The following MAP3K20 variants were observed in gnomAD, a reference collection of about 807,000 sequenced individuals.
MAP3K20 encodes the protein mitogen-activated protein kinase kinase kinase 20, also known as HCCS-4.
In MAP3K20, 40 loss-of-function variants were observed where a neutral mutation model predicts 85.7. The observed-to-expected ratio is 0.47, with a 90% CI of 0.36 to 0.61. The LOEUF is 0.61. Ranked by LOEUF, MAP3K20 falls within the 20% of genes least tolerant of loss-of-function variation. The probability of loss-of-function intolerance (pLI) is 0.00; values close to 1 mark genes in which losing one functional copy is unlikely to be tolerated. For missense variants in MAP3K20, 817 were observed against 961.7 expected, an observed-to-expected ratio of 0.85 and a Z score of 1.99; for synonymous variants, 325 against 327.7, an observed-to-expected ratio of 0.99 and a Z score of 0.09.
At chr2:173,081,307 A>G (rs1194529670) in intron 1 of MAP3K20, among the ~76,000 whole-genome samples, 1 of 151,044 alleles carries the variant, frequency 6.6e-6, no homozygotes, top group Non-Finnish European at 1.5e-5. Flanking sequence ...GGCTGAGGGT[A>G]TGTGCTACCT....
At chr2:173,150,808 C>T (rs541923095) in intron 2 of MAP3K20, among the ~76,000 whole-genome samples, 135 of 152,240 alleles carry the variant, frequency 8.9e-4, no homozygotes, top group African/African-American at 3.1e-3. Flanking sequence ...GTGATCCGCC[C>T]GCCTTGACCT....
chr2:173,130,058 G>A (rs74801339), intron 2 of MAP3K20, among the ~76,000 whole-genome samples: 7 of 152,254 alleles, frequency 4.6e-5, no homozygotes, highest in African/African-American at 9.6e-5. Context: ...TGCATTATGC[G>A]TCAAAATGTG....
intron 1 of MAP3K20, among the ~76,000 whole-genome samples, chr2:173,089,646 T>C (rs1007321707): frequency 1.3e-5 from 2 of 151,924 alleles, no homozygotes; most frequent in Non-Finnish European, 2.9e-5. Context: ...GCAGTGGCAC[T>C]ATCTCAGCTC....
intron 11 of MAP3K20, chr2:173,224,228 T>C (rs1372874132): frequency 1.0e-6 from 1 of 983,738 alleles, no homozygotes; most frequent in African/African-American, 1.7e-5. Context: ...AAGGTAACAT[T>C]TGAGCAAGTC....
intron 5 of MAP3K20, among the ~76,000 whole-genome samples, chr2:173,190,412 C>T (rs1335013776): frequency 3.3e-5 from 5 of 152,212 alleles, no homozygotes; most frequent in Non-Finnish European, 5.9e-5. Flanking sequence ...CAGCATTATA[C>T]ATGGCGTTAC....
chr2:173,166,357 T>C (rs1482712624), intron 2 of MAP3K20: 1 of 152,208 alleles, frequency 6.6e-6, no homozygotes. Context: ...TGGTTGTTTT[T>C]ACCTTTTGTT....
At chr2:173,113,630 T>C (rs1027384913) in intron 2 of MAP3K20, among the ~76,000 whole-genome samples, 1 of 152,178 alleles carries the variant, frequency 6.6e-6, no homozygotes, top group African/African-American at 2.4e-5. Context: ...TAAATTGCCA[T>C]CTTGATTTCA....
chr2:173,200,119 T>G (rs1690997374), intron 8 of MAP3K20, among the ~76,000 whole-genome samples: 1 of 152,238 alleles, frequency 6.6e-6, no homozygotes, highest in Admixed American at 6.5e-5. Flanking sequence ...CTCAACTTTC[T>G]AATGAACTTC....
intron 3 of MAP3K20, among the ~76,000 whole-genome samples, chr2:173,171,458 G>A (rs576799485): frequency 6.6e-6 from 1 of 152,268 alleles, no homozygotes; most frequent in South Asian, 2.1e-4. Context: ...AGCTATTCAT[G>A]AAGTTTTCTA....
intron 2 of MAP3K20, among the ~76,000 whole-genome samples, chr2:173,108,492 C>T (rs1404206063): frequency 6.6e-6 from 1 of 152,176 alleles, no homozygotes; most frequent in African/African-American, 2.4e-5. Flanking sequence ...TCCTTGTCCT[C>T]TGGAAATTGA....
In MAP3K20 at chr2:173,241,593, C is replaced by T. The variant is rs182939532; in HGVS notation, c.1359+2097C>T. ...CTGTGCCACTGCACTCTAGCCTGGGCAACAGAGTAAGACATCATCTCAAAA... is the reference window on the plus strand; with the variant it reads ...CTGTGCCACTGCACTCTAGCCTGGGTAACAGAGTAAGACATCATCTCAAAA... On this transcript the variant is annotated intron_variant, in intron 16 of 19. Coordinates refer to ENST00000375213, the MANE Select transcript of MAP3K20 (RefSeq NM_016653.3). Among the ~76,000 whole-genome samples, 187 of 152,192 alleles carry T rather than the reference C, an allele frequency of 1.2e-3. 2 individuals carry two copies. The highest frequency in any genetic ancestry group is 3.1e-3 in the South Asian group (15 of 4,818).
intron 2 of MAP3K20, among the ~76,000 whole-genome samples, chr2:173,098,953 C>G (rs1687545550): frequency 6.6e-6 from 1 of 152,168 alleles, no homozygotes; most frequent in Non-Finnish European, 1.5e-5. Context: ...GTGTTTTAAC[C>G]AGCTTTCTAG....
chr2:173,114,640 T>C (rs868632776), intron 2 of MAP3K20, among the ~76,000 whole-genome samples: 14 of 152,206 alleles, frequency 9.2e-5, no homozygotes, highest in Middle Eastern at 3.2e-3. Context: ...CTGAAAAAGA[T>C]GTATCTTTCC....
intron 2 of MAP3K20, among the ~76,000 whole-genome samples, chr2:173,158,056 C>G (rs931841898): frequency 3.3e-5 from 5 of 152,180 alleles, no homozygotes; most frequent in Non-Finnish European, 7.3e-5. Flanking sequence ...TACTAAAAAC[C>G]TGGCTTTGCC....
At chr2:173,219,940 C>T (rs781526599) in intron 11 of MAP3K20, among the ~76,000 whole-genome samples, 6 of 151,830 alleles carry the variant, frequency 4.0e-5, no homozygotes, top group Non-Finnish European at 5.9e-5. Context: ...TGGTGGCGGG[C>T]GCCTGTAATC....
intron 10 of MAP3K20, chr2:173,212,442 C>T (rs937619105): frequency 6.6e-6 from 1 of 151,786 alleles, no homozygotes; most frequent in Non-Finnish European, 1.5e-5. Context: ...GGAGAAAATG[C>T]TATTTGATCT....
At chr2:173,086,508 A>G (rs1269115151) in intron 1 of MAP3K20, among the ~76,000 whole-genome samples, 2 of 152,228 alleles carry the variant, frequency 1.3e-5, no homozygotes, top group African/African-American at 4.8e-5. Context: ...TTTATTCGGT[A>G]TTCAGATGGA....
At position 173,209,895 on chromosome 2, in the gene MAP3K20, A is replaced by G. The variant is rs779925646; in HGVS notation, c.851+60A>G. 8.0e-6 allele frequency: 11 copies of G among 1,375,566 alleles called. 1 individual carries two copies. The highest frequency in any genetic ancestry group is 1.0e-5 in the Non-Finnish European group (10 of 963,904). 85.2% of individuals were successfully genotyped at this position (1,375,566 alleles called of 1,614,324 possible). On this transcript the variant is annotated intron_variant, in intron 10 of 19. Coordinates refer to ENST00000375213, the MANE Select transcript of MAP3K20 (RefSeq NM_016653.3). ...CTTTCAAAGACCATCACTCGTCTCA[A>G]TGAAGAAGTGAACCAGAGATCTGAA...
At chr2:173,225,169 C>T (rs1433602076) in intron 11 of MAP3K20, 4 of 983,356 alleles carry the variant, frequency 4.1e-6, no homozygotes, top group Admixed American at 6.2e-5. Flanking sequence ...GTGCTGTCAC[C>T]GAATGGTGTT....
Sources: gnomAD v4.1 joint callset for allele counts (sites outside exome capture counted in the v4.1 genomes callset) on GRCh38, gnomAD v4.1.1 for gene constraint, MANE v1.5 for transcripts, NCBI Gene and HGNC (gene_info 2026-07-23, HGNC 2026-07-21) for gene names.